Variants in BCL7A observed in about 807,000 individuals in gnomAD.
BCL7A encodes BAF chromatin remodeling complex subunit BCL7A.
BCL7A carries 11 observed loss-of-function variants against 28.4 expected under a neutral mutation model. That is an observed-to-expected ratio of 0.39 (90% confidence interval 0.24 to 0.64). The LOEUF is 0.64. BCL7A is among the 30% of genes least tolerant of loss of function. BCL7A has a pLI of 0.50. For missense variants in BCL7A, 222 were observed against 274.8 expected (o/e 0.81, Z 1.36); for synonymous variants, 123 against 103.3 (o/e 1.19, Z -1.15).
intron 1 of BCL7A, among the ~76,000 whole-genome samples, chr12:122,023,178 G>A (rs1396966428): frequency 6.6e-6 from 1 of 152,218 alleles, no homozygotes; most frequent in Non-Finnish European, 1.5e-5. Context: ...CAGGCCCGAG[G>A]CGCAAGCAGA....
At chr12:122,023,694 G>A (rs1883533796) in intron 1 of BCL7A, among the ~76,000 whole-genome samples, 1 of 152,170 alleles carries the variant, frequency 6.6e-6, no homozygotes, top group African/African-American at 2.4e-5. Flanking sequence ...AGCTCCCCTG[G>A]TACACAGGGT....
intron 3 of BCL7A, among the ~76,000 whole-genome samples, chr12:122,041,558 G>T (rs1883965968): frequency 1.3e-5 from 2 of 152,038 alleles, no homozygotes; most frequent in African/African-American, 4.8e-5. Flanking sequence ...TGAGCCCAGG[G>T]GTCCAAGACA....
At chr12:122,032,271 C>T (rs1883761446) in intron 2 of BCL7A, among the ~76,000 whole-genome samples, 1 of 152,180 alleles carries the variant, frequency 6.6e-6, no homozygotes, top group African/African-American at 2.4e-5. Context: ...GCCTGGGCTC[C>T]CGGAATCACC....
intron 1 of BCL7A, among the ~76,000 whole-genome samples, chr12:122,025,741 T>C (rs1446029986): frequency 1.0e-4 from 14 of 140,560 alleles, no homozygotes; most frequent in Non-Finnish European, 2.0e-4. Flanking sequence ...AAGTCAGGAG[T>C]TGGAAACCAG....
rs186045182 is a variant in BCL7A, at chr12:122,026,123, C to T, written c.92+3940C>T. The stretch of plus-strand genomic sequence containing the variant: ...TCTACTAAAAATACAAAAAATTAGC[C>T]GGGAGTGGTGGCAGGCGCCTATAGT... On this transcript the variant is annotated intron_variant, in intron 1 of 5. Transcript: ENST00000261822. 2.9e-3 allele frequency among the ~76,000 whole-genome samples: 443 copies of T among 151,430 alleles called. 2 individuals carry two copies. The highest frequency in any genetic ancestry group is 0.01 in the African/African-American group (417 of 41,286).
At chr12:122,031,786 C>T (rs1250315855) in intron 2 of BCL7A, among the ~76,000 whole-genome samples, 1 of 152,184 alleles carries the variant, frequency 6.6e-6, no homozygotes, top group Admixed American at 6.5e-5. Context: ...ACTTCCACCA[C>T]TAGAGGGAAT....
At chr12:122,022,414 T>A (rs1883484534) in intron 1 of BCL7A, among the ~76,000 whole-genome samples, 1 of 139,900 alleles carries the variant, frequency 7.1e-6, no homozygotes, top group African/African-American at 2.6e-5. Flanking sequence ...GTAGCCCACC[T>A]GGCGCGGCGG....
At chr12:122,052,680 T>TTTCTG (rs1884215177) in intron 4 of BCL7A, among the ~76,000 whole-genome samples, 3 of 151,770 alleles carry the variant, frequency 2.0e-5, no homozygotes, top group African/African-American at 4.8e-5. Flanking sequence ...ATTGTTTTGT[T>TTTCTG]TTTTGTTTTG....
At chr12:122,048,591 A>C (rs1334445155) in intron 4 of BCL7A, among the ~76,000 whole-genome samples, 1 of 152,124 alleles carries the variant, frequency 6.6e-6, no homozygotes, top group East Asian at 1.9e-4. Context: ...TCTTTACAAA[A>C]AATTTTAAAA....
chr12:122,042,301 T>C (rs559524169), intron 3 of BCL7A, among the ~76,000 whole-genome samples: 36 of 152,282 alleles, frequency 2.4e-4, no homozygotes, highest in African/African-American at 8.2e-4. Flanking sequence ...CACATTTGTC[T>C]CATCTATTTT....
At chr12:122,058,332 T>C (rs1951893184) in intron 5 of BCL7A, among the ~76,000 whole-genome samples, 1 of 150,064 alleles carries the variant, frequency 6.7e-6, no homozygotes, top group Non-Finnish European at 1.5e-5. Context: ...TGGTGAAACA[T>C]GGAGACATGG....
At chr12:122,048,575 A>G (rs919605369) in intron 4 of BCL7A, among the ~76,000 whole-genome samples, 4 of 151,828 alleles carry the variant, frequency 2.6e-5, no homozygotes, top group African/African-American at 9.7e-5. Flanking sequence ...ACGTGGTGAA[A>G]CCCTGTCTTT....
chr12:122,027,236 T>G (rs1883648336), intron 1 of BCL7A, among the ~76,000 whole-genome samples: 1 of 152,204 alleles, frequency 6.6e-6, no homozygotes, highest in African/African-American at 2.4e-5. Flanking sequence ...TTTTCAAGAG[T>G]AGCCAGAAGT....
chr12:122,030,122 T>C (rs979413559), intron 1 of BCL7A, among the ~76,000 whole-genome samples: 1 of 152,182 alleles, frequency 6.6e-6, no homozygotes, highest in Non-Finnish European at 1.5e-5. Flanking sequence ...ATTCAGGCTG[T>C]GTAACCTCCT....
Position 122,029,997 on chromosome 12 carries a change from G to T in BCL7A, c.93-703G>T, listed in dbSNP as rs1398002500. ...ATAAACCTGCCTCTCACAGTGGGGG[G>T]TCTGGACTCCGTCCTTCAGGCGTTT... On this transcript the variant is annotated intron_variant, in intron 1 of 5. Transcript: ENST00000261822. The surrounding 1 kb of genome is among the most constrained non-coding windows in gnomAD (Gnocchi z 4.3). Among the ~76,000 whole-genome samples the T allele has an allele frequency of 6.6e-6, 1 of 152,172 alleles. No individual in the cohort carries two copies. Among genetic ancestry groups the T allele is most frequent in the East Asian group, 1.9e-4 (1 of 5,192 alleles).
chr12:122,049,897 C>T (rs932538025), intron 4 of BCL7A, among the ~76,000 whole-genome samples: 10 of 151,948 alleles, frequency 6.6e-5, no homozygotes, highest in African/African-American at 2.4e-4. Context: ...GGCTTTTCCC[C>T]CCGAGAAGTC....
chr12:122,032,945 C>T (rs1883774924), intron 2 of BCL7A, among the ~76,000 whole-genome samples: 1 of 152,136 alleles, frequency 6.6e-6, no homozygotes, highest in African/African-American at 2.4e-5. Context: ...TGAGTCTCTG[C>T]AGGTTGAGGC....
chr12:122,048,744 G>A (rs964901140), intron 4 of BCL7A, among the ~76,000 whole-genome samples: 1 of 151,870 alleles, frequency 6.6e-6, no homozygotes, highest in Non-Finnish European at 1.5e-5. Context: ...ATTAGGCCGG[G>A]CACAGTGGGT....
intron 3 of BCL7A, among the ~76,000 whole-genome samples, chr12:122,041,317 C>G (rs1171480370): frequency 6.6e-6 from 1 of 152,112 alleles, no homozygotes; most frequent in Non-Finnish European, 1.5e-5. Context: ...ATGCTTCTGC[C>G]CAGTGCCTGG....
Sources: allele counts gnomAD v4.1 joint callset (sites outside exome capture counted in the v4.1 genomes callset), GRCh38; gene constraint gnomAD v4.1.1; non-coding constraint Gnocchi (gnomAD v3.1); transcripts MANE v1.5; gene names NCBI Gene and HGNC (gene_info 2026-07-23, HGNC 2026-07-21).